Variants in ANKRD28 observed in about 807,000 individuals in gnomAD.
ANKRD28 encodes serine/threonine-protein phosphatase 6 regulatory ankyrin repeat subunit A.
In ANKRD28, 44 loss-of-function variants were observed where a neutral mutation model predicts 126.5. The observed-to-expected ratio is 0.35, with a 90% CI of 0.27 to 0.45. The LOEUF (loss-of-function observed/expected upper bound fraction) is 0.45, where lower values mean the gene tolerates loss of function less well. Among genes scored for constraint, ANKRD28 ranks in the 20% least tolerant of loss-of-function variants. ANKRD28 has a pLI of 1.00. For synonymous variants in ANKRD28, 442 were observed against 468.5 expected (o/e 0.94, Z 0.73); for missense variants, 1,110 against 1,316.6 (o/e 0.84, Z 2.43).
At chr3:15,758,905 C>T (rs1225532440) in intron 3 of ANKRD28, among the ~76,000 whole-genome samples, 1 of 152,096 alleles carries the variant, frequency 6.6e-6, no homozygotes, top group African/African-American at 2.4e-5. Flanking sequence ...TATAAAAGGC[C>T]AATCGAATGA....
In ANKRD28 at chr3:15,686,902, G is replaced by A. The variant is rs143132421; in HGVS notation, c.1964-593C>T. Among the ~76,000 whole-genome samples, 22 of 151,264 alleles carry A rather than the reference G, an allele frequency of 1.5e-4. No individual in the cohort carries two copies. In the East Asian group the frequency reaches 2.5e-3, roughly 17 times the overall value. On this transcript the variant is annotated intron_variant, in intron 18 of 27. Coordinates refer to ENST00000683139, the MANE Select transcript of ANKRD28 (RefSeq NM_001349278.2). Reference sequence around the variant, plus strand: ...GAATTTAATCCAGAGCTCTGACACCGTTGTAGAATCAACCAACCCTGGAAC... The same window carrying A: ...GAATTTAATCCAGAGCTCTGACACCATTGTAGAATCAACCAACCCTGGAAC...
At position 15,805,047 on chromosome 3, in the gene ANKRD28, C is replaced by T. The variant is rs569081091; in HGVS notation, c.28-9741G>A. Among the ~76,000 whole-genome samples the T allele has an allele frequency of 2.1e-5, 3 of 145,580 alleles. 1 individual carries two copies. In the South Asian group the frequency reaches 6.9e-4, roughly 34 times the overall value. On this transcript the variant is annotated intron_variant, in intron 1 of 27. Coordinates refer to the ANKRD28 transcript ENST00000399451. ...GCAGGTACTTACGAAAACAGAGTTT[C>T]ACTGACTTTTCCAAGTAAGTGTAGA... is the stretch of plus-strand genomic sequence containing the variant.
intron 2 of ANKRD28, among the ~76,000 whole-genome samples, chr3:15,774,850 A>G (rs930569955): frequency 6.6e-6 from 1 of 152,204 alleles, no homozygotes; most frequent in Non-Finnish European, 1.5e-5. Context: ...AACTCAAAAG[A>G]AAAGTAGGCA....
chr3:15,743,588 A>G (rs1359615827), intron 4 of ANKRD28, among the ~76,000 whole-genome samples: 14 of 147,282 alleles, frequency 9.5e-5, no homozygotes, highest in Non-Finnish European at 1.8e-4. Flanking sequence ...ACACACACAC[A>G]CACACGCACA....
At position 15,842,953 on chromosome 3, in the gene ANKRD28, TA is replaced by T. The variant is rs548612776; in HGVS notation, c.27+16423del. Among the ~76,000 whole-genome samples, 18 of 152,330 alleles carry T rather than the reference TA, an allele frequency of 1.2e-4. No homozygotes were observed. In the East Asian group the frequency reaches 3.5e-3, roughly 29 times the overall value. On this transcript the variant is annotated intron_variant, in intron 1 of 27. Coordinates refer to the ANKRD28 transcript ENST00000399451. ...ACACCCGGACAGAAACAAGCCTTGT[TA>T]AGGCTAAATTATGTAATGAGTGTTG...
At chr3:15,858,250 C>A (rs1258695507) in intron 1 of ANKRD28, among the ~76,000 whole-genome samples, 2 of 152,138 alleles carry the variant, frequency 1.3e-5, no homozygotes, top group Admixed American at 6.5e-5. Flanking sequence ...ATTTGAAATA[C>A]AAGGTATAAA....
At position 15,758,391 on chromosome 3, in the gene ANKRD28, G is replaced by A. The variant is rs76801862; in HGVS notation, c.281-6571C>T. Among the ~76,000 whole-genome samples the A allele has an allele frequency of 5.5e-3, 839 of 152,282 alleles. 8 individuals carry two copies. Among genetic ancestry groups the A allele is most frequent in the African/African-American group, 0.019 (790 of 41,558 alleles). ...TATAATGCTGAAAAAAATAGCTGCT[G>A]CACTGTATCTTTTAAGAGTGTTGTG... On this transcript the variant is annotated intron_variant, in intron 3 of 27. Coordinates refer to ENST00000683139, the MANE Select transcript of ANKRD28 (RefSeq NM_001349278.2).
chr3:15,710,232 T>C (rs994250221), intron 12 of ANKRD28, among the ~76,000 whole-genome samples: 1 of 152,188 alleles, frequency 6.6e-6, no homozygotes, highest in African/African-American at 2.4e-5. Flanking sequence ...TCCTATACTA[T>C]GACTGTTTAC....
chr3:15,759,226 A>G (rs1027456543), intron 3 of ANKRD28, among the ~76,000 whole-genome samples: 3 of 152,198 alleles, frequency 2.0e-5, no homozygotes, highest in African/African-American at 7.2e-5. Context: ...TTCTGTAGTC[A>G]AACTGCCTGG....
chr3:15,708,306 T>C (rs1026825893), intron 13 of ANKRD28, among the ~76,000 whole-genome samples: 32 of 152,184 alleles, frequency 2.1e-4, no homozygotes, highest in African/African-American at 7.5e-4. Context: ...CTCCAGGCAG[T>C]AGCAGCAATC....
chr3:15,847,334 G>C (rs1356892525), intron 1 of ANKRD28, among the ~76,000 whole-genome samples: 1 of 152,150 alleles, frequency 6.6e-6, no homozygotes, highest in Non-Finnish European at 1.5e-5. Flanking sequence ...AATCTCTTAT[G>C]GCTTTCTTCC....
At chr3:15,670,638 C>T in intron 27 of ANKRD28, 82 bp from the exon 28 acceptor site, 2 of 1,301,034 alleles carry the variant, frequency 1.5e-6, no homozygotes, top group Non-Finnish European at 2.1e-6. Flanking sequence ...TAAAGTACTT[C>T]AACTTTAGAC....
chr3:15,776,664 T>C (rs1218671194), intron 2 of ANKRD28, among the ~76,000 whole-genome samples: 5 of 152,190 alleles, frequency 3.3e-5, no homozygotes, highest in African/African-American at 4.8e-5. Context: ...AGGGCACTTC[T>C]GAGGTGCTAA....
rs1349793674 is a variant in ANKRD28, at chr3:15,845,302, T to C, written c.27+14075A>G. Among the ~76,000 whole-genome samples, 1 of 63,102 alleles carries C rather than the reference T, an allele frequency of 1.6e-5. No homozygotes were observed. Among genetic ancestry groups the C allele is most frequent in the Non-Finnish European group, 3.1e-5 (1 of 32,028 alleles). The allele number at this position is 63,102 out of a possible 152,430, so 41.4% of individuals were successfully genotyped here. ...AACATATACACAATCTTCCAGAACATTTCTAAAGTATATATATATATATAT... is the reference window on the plus strand; with the variant it reads ...AACATATACACAATCTTCCAGAACACTTCTAAAGTATATATATATATATAT... On this transcript the variant is annotated intron_variant, in intron 1 of 27. Transcript: ENST00000399451. This position sits in a 1 kb window ranked among gnomAD's most constrained non-coding sequence, Gnocchi z 4.9.
intron 6 of ANKRD28, among the ~76,000 whole-genome samples, chr3:15,730,285 C>T (rs1294728738): frequency 6.6e-6 from 1 of 152,088 alleles, no homozygotes; most frequent in Non-Finnish European, 1.5e-5. Flanking sequence ...GTAAAGGGAC[C>T]TTGACAAAGG....
chr3:15,849,978 ACT>A (rs1172686061), intron 1 of ANKRD28, among the ~76,000 whole-genome samples: 2 of 151,588 alleles, frequency 1.3e-5, no homozygotes, highest in Non-Finnish European at 2.9e-5. Flanking sequence ...GCGATCTCTG[ACT>A]CTGTACACTA....
At chr3:15,828,989 G>C (rs985919471) in intron 1 of ANKRD28, among the ~76,000 whole-genome samples, 1 of 152,130 alleles carries the variant, frequency 6.6e-6, no homozygotes, top group Non-Finnish European at 1.5e-5. Context: ...ACCATACCCA[G>C]CAAGAGAGAC....
At chr3:15,690,245 T>G in intron 17 of ANKRD28, 25 bp from the exon 18 acceptor site, 1 of 1,524,204 alleles carries the variant, frequency 6.6e-7, no homozygotes. Context: ...AAATGTAAAT[T>G]TAAAACATAC....
At chr3:15,700,282 C>T (rs946352061) in intron 14 of ANKRD28, among the ~76,000 whole-genome samples, 17 of 152,178 alleles carry the variant, frequency 1.1e-4, no homozygotes, top group African/African-American at 3.1e-4. Context: ...GAACATCATA[C>T]ACCGGGGCCT....
Sources: allele counts gnomAD v4.1 joint callset (sites outside exome capture counted in the v4.1 genomes callset), GRCh38; gene constraint gnomAD v4.1.1; non-coding constraint Gnocchi (gnomAD v3.1); transcripts MANE v1.5; gene names NCBI Gene and HGNC (gene_info 2026-07-23, HGNC 2026-07-21).